PTPRD: variants seen among roughly 807,000 people sequenced by gnomAD.
PTPRD encodes the protein receptor-type tyrosine-protein phosphatase delta.
Under a neutral mutation model 214.5 loss-of-function variants are expected in PTPRD, and 34 were observed. That is an observed-to-expected ratio of 0.16 (90% CI 0.12 to 0.21). The LOEUF (loss-of-function observed/expected upper bound fraction) is 0.21. Ranked by LOEUF, PTPRD falls within the 10% of genes least tolerant of loss-of-function variation. The pLI, the probability that PTPRD is intolerant of heterozygous loss-of-function variation, is 1.00. For synonymous variants in PTPRD, 1,128 were observed against 845.7 expected (o/e 1.33, Z -5.79); for missense variants, 2,545 against 2,398.7 (o/e 1.06, Z -1.27).
intron 4 of PTPRD, among the ~76,000 whole-genome samples, chr9:10,008,831 A>G (rs985848512): frequency 4.6e-5 from 7 of 152,040 alleles, no homozygotes; most frequent in African/African-American, 1.7e-4. Flanking sequence ...AAATTCAAGA[A>G]AGACCAAAAT....
At chr9:9,067,865 A>T (rs932628420) in intron 10 of PTPRD, among the ~76,000 whole-genome samples, 2 of 152,110 alleles carry the variant, frequency 1.3e-5, no homozygotes, top group African/African-American at 4.8e-5. Flanking sequence ...ATTTAGTTCT[A>T]TGCAATTTTA....
chr9:9,717,212 C>T (rs2097851065), intron 7 of PTPRD, among the ~76,000 whole-genome samples: 1 of 152,054 alleles, frequency 6.6e-6, no homozygotes, highest in Non-Finnish European at 1.5e-5. Flanking sequence ...TGATCTATAT[C>T]TCTGTTTTGG....
intron 33 of PTPRD, among the ~76,000 whole-genome samples, chr9:8,452,733 A>G (rs914005267): frequency 3.3e-5 from 5 of 152,222 alleles, no homozygotes; most frequent in African/African-American, 1.2e-4. Context: ...GAAACTGCTA[A>G]TACTATAAAA....
intron 10 of PTPRD, among the ~76,000 whole-genome samples, chr9:9,029,726 G>A (rs2099598483): frequency 6.6e-6 from 1 of 151,864 alleles, no homozygotes; most frequent in South Asian, 2.1e-4. Context: ...GTGGAGAGCT[G>A]AGGATGATTC....
chr9:10,352,406 T>C (rs2097198417), intron 2 of PTPRD, among the ~76,000 whole-genome samples: 6 of 151,952 alleles, frequency 3.9e-5, no homozygotes. Context: ...CTATTCTTCT[T>C]CCATCCTCTC....
At chr9:9,072,353 G>C (rs1234128863) in intron 10 of PTPRD, among the ~76,000 whole-genome samples, 1 of 148,864 alleles carries the variant, frequency 6.7e-6, no homozygotes, top group Non-Finnish European at 1.5e-5. Flanking sequence ...CCATTGACCA[G>C]AATAAACAGA....
At chr9:9,199,286 G>A (rs2099940501) in intron 9 of PTPRD, among the ~76,000 whole-genome samples, 1 of 152,142 alleles carries the variant, frequency 6.6e-6, no homozygotes, top group Non-Finnish European at 1.5e-5. Context: ...AGAAAACATG[G>A]AAGAACTTTA....
intron 5 of PTPRD, among the ~76,000 whole-genome samples, chr9:9,820,572 G>C (rs1379180902): frequency 6.6e-6 from 1 of 152,158 alleles, no homozygotes; most frequent in East Asian, 1.9e-4. Flanking sequence ...CCCCTGTACA[G>C]AATGGCATTT....
chr9:9,760,667 T>C (rs2098646611), intron 6 of PTPRD, among the ~76,000 whole-genome samples: 1 of 142,518 alleles, frequency 7.0e-6, no homozygotes, highest in Admixed American at 7.2e-5. Flanking sequence ...TATATATATA[T>C]TCCAGCACTG....
At chr9:8,651,598 T>A (rs545217985) in intron 12 of PTPRD, among the ~76,000 whole-genome samples, 1 of 152,194 alleles carries the variant, frequency 6.6e-6, no homozygotes, top group South Asian at 2.1e-4. Flanking sequence ...GTAAAATAAC[T>A]CTATCAACAT....
chr9:10,156,935 G>A (rs1160166234), intron 3 of PTPRD, among the ~76,000 whole-genome samples: 1 of 152,140 alleles, frequency 6.6e-6, no homozygotes, highest in Non-Finnish European at 1.5e-5. Context: ...TGTTTTGTCT[G>A]AAACTAGGAT....
At chr9:8,738,694 G>A (rs1009036845) in intron 11 of PTPRD, among the ~76,000 whole-genome samples, 4 of 151,722 alleles carry the variant, frequency 2.6e-5, no homozygotes, top group Admixed American at 2.0e-4. Context: ...AAATTTCACT[G>A]GTTACTCTAG....
At chr9:10,575,783 A>AT (rs1273522372) in intron 2 of PTPRD, among the ~76,000 whole-genome samples, 2 of 151,480 alleles carry the variant, frequency 1.3e-5, no homozygotes, top group Admixed American at 6.6e-5. Context: ...TTCCCCACAT[A>AT]TTTTTTCTGT....
At chr9:9,258,728 A>AT (rs1409471231) in intron 9 of PTPRD, among the ~76,000 whole-genome samples, 1 of 151,894 alleles carries the variant, frequency 6.6e-6, no homozygotes, top group Non-Finnish European at 1.5e-5. Context: ...GGTTTACATT[A>AT]TACAGCAGCA....
chr9:9,113,546 A>G (rs761554682), intron 10 of PTPRD, among the ~76,000 whole-genome samples: 6 of 152,108 alleles, frequency 3.9e-5, no homozygotes, highest in Non-Finnish European at 4.4e-5. Context: ...GAAACAAAAC[A>G]TGGTGAGAAA....
intron 9 of PTPRD, among the ~76,000 whole-genome samples, chr9:9,332,135 T>TA (rs1449843363): frequency 1.3e-5 from 2 of 152,054 alleles, no homozygotes; most frequent in African/African-American, 4.8e-5. Context: ...GATTTCATGC[T>TA]AAAAATACCA....
Position 8,331,599 on chromosome 9 carries a change from G to T in PTPRD, c.5517C>A (p.Pro1839=), listed in dbSNP as rs141981543. The part of the protein sequence containing the change: ...KTKEQFGQDG[P]ISVHCSAGVG... ...AAACTTACCTGCAATGGACTGAAAT[G>T]GGTCCATCTTGGCCAAACTGTTCTT... is the stretch of plus-strand genomic sequence containing the variant. The change falls in exon 44 of 46, where the codon CCC becomes CCA. Residue 1839 remains proline (P), a synonymous_variant. Transcript: ENST00000381196. The T allele has an allele frequency of 4.7e-6, 6 of 1,267,968 alleles. No homozygotes were observed. Among genetic ancestry groups the T allele is most frequent in the Non-Finnish European group, 6.1e-6 (6 of 981,026 alleles). 78.5% of individuals were successfully genotyped at this position (1,267,968 alleles called of 1,614,324 possible).
chr9:10,179,999 C>T (rs2099272556), intron 3 of PTPRD, among the ~76,000 whole-genome samples: 1 of 151,906 alleles, frequency 6.6e-6, no homozygotes. Context: ...GATATGACAA[C>T]ATATGATAGC....
intron 44 of PTPRD, among the ~76,000 whole-genome samples, chr9:8,327,055 T>TATTTC (rs1433287364): frequency 2.7e-5 from 4 of 148,546 alleles, no homozygotes; most frequent in Non-Finnish European, 4.5e-5. Context: ...TGTTCTTAGT[T>TATTTC]ATTTCTTGTC....
Sources: gnomAD v4.1 joint callset for allele counts (sites outside exome capture counted in the v4.1 genomes callset) on GRCh38, gnomAD v4.1.1 for gene constraint, MANE v1.5 for transcripts, NCBI Gene and HGNC (gene_info 2026-07-23, HGNC 2026-07-21) for gene names.